The following DLGAP2 variants were observed in gnomAD, a reference collection of about 807,000 sequenced individuals.
DLGAP2 encodes DLG associated protein 2.
Under a neutral mutation model 100.3 loss-of-function variants are expected in DLGAP2, and 26 were observed. That is an observed-to-expected ratio of 0.26 (90% confidence interval 0.19 to 0.36). DLGAP2 has a LOEUF of 0.36. DLGAP2 is among the 10% of genes least tolerant of loss of function. The pLI is 1.00. For synonymous variants in DLGAP2, 886 were observed against 630.1 expected (o/e 1.41, Z -6.08); for missense variants, 1,858 against 1,453.2 (o/e 1.28, Z -4.53).
chr8:1,445,569 T>C (rs1797963438), intron 3 of DLGAP2, among the ~76,000 whole-genome samples: 1 of 152,172 alleles, frequency 6.6e-6, no homozygotes, highest in Non-Finnish European at 1.5e-5. Flanking sequence ...CGTGTCTTTA[T>C]AGCAGCATGA....
At chr8:1,257,585 G>T (rs910258614) in intron 2 of DLGAP2, among the ~76,000 whole-genome samples, 3 of 152,172 alleles carry the variant, frequency 2.0e-5, no homozygotes, top group Admixed American at 6.5e-5. Flanking sequence ...ATGGCATTAC[G>T]TGGCGTCTCC....
chr8:1,376,254 C>G (rs910283103), intron 3 of DLGAP2, among the ~76,000 whole-genome samples: 2 of 152,262 alleles, frequency 1.3e-5, no homozygotes, highest in Non-Finnish European at 2.9e-5. Context: ...CCGGGACGTG[C>G]TGTCTCATAG....
At chr8:1,410,667 G>A (rs1217735760) in intron 3 of DLGAP2, among the ~76,000 whole-genome samples, 1 of 152,196 alleles carries the variant, frequency 6.6e-6, no homozygotes, top group East Asian at 1.9e-4. Flanking sequence ...ACATAAGTGT[G>A]TTTCACGCAC....
intron 3 of DLGAP2, among the ~76,000 whole-genome samples, chr8:1,308,018 G>A (rs1029116755): frequency 4.6e-5 from 7 of 152,104 alleles, no homozygotes; most frequent in African/African-American, 7.2e-5. Context: ...TTTTACCACC[G>A]TTTTTCCAAA....
rs1241660508 is a variant in DLGAP2, at chr8:1,449,888, G to GACTGTA, written c.107-51478_107-51477insACTGTA. Reference sequence around the variant, plus strand: ...CGAGGTGGGCGGCCTCGGTGGCTGAGGCGGAGCTGTGAGGGTGAAGACGAG... The same window carrying GACTGTA: ...CGAGGTGGGCGGCCTCGGTGGCTGAGACTGTAGCGGAGCTGTGAGGGTGAAGACGAG... On this transcript the variant is annotated intron_variant, in intron 3 of 14. Transcript: ENST00000637795. 2.6e-3 allele frequency among the ~76,000 whole-genome samples: 312 copies of GACTGTA among 121,366 alleles called. 7 individuals carry two copies. The highest frequency in any genetic ancestry group is 4.4e-3 in the Non-Finnish European group (235 of 53,118). 79.6% of individuals were successfully genotyped at this position (121,366 alleles called of 152,430 possible).
At chr8:1,391,854 A>G (rs945490616) in intron 3 of DLGAP2, among the ~76,000 whole-genome samples, 2 of 152,262 alleles carry the variant, frequency 1.3e-5, no homozygotes, top group African/African-American at 4.8e-5. Context: ...CATCTCCAAG[A>G]CCCGAGTATG....
intron 1 of DLGAP2, among the ~76,000 whole-genome samples, chr8:843,731 C>T (rs1305742578): frequency 2.6e-5 from 4 of 152,166 alleles, no homozygotes; most frequent in Non-Finnish European, 4.4e-5. Context: ...AAAGCTGTGT[C>T]GCTGCATTCA....
chr8:880,378 G>A (rs1240000751), intron 1 of DLGAP2, among the ~76,000 whole-genome samples: 1 of 152,240 alleles, frequency 6.6e-6, no homozygotes, highest in African/African-American at 2.4e-5. Context: ...CCCCAGGAAA[G>A]TGTCCACACT....
intron 3 of DLGAP2, among the ~76,000 whole-genome samples, chr8:1,309,673 G>T (rs977072086): frequency 6.6e-6 from 1 of 152,172 alleles, no homozygotes; most frequent in African/African-American, 2.4e-5. Flanking sequence ...ATACAGGGAC[G>T]ACCAGGAAAA....
At chr8:849,278 G>A (rs1797135799) in intron 1 of DLGAP2, among the ~76,000 whole-genome samples, 1 of 152,210 alleles carries the variant, frequency 6.6e-6, no homozygotes, top group Non-Finnish European at 1.5e-5. Context: ...ATCACACAGA[G>A]TCTGTTCCAG....
chr8:1,465,865 A>G (rs1449098902), intron 3 of DLGAP2, among the ~76,000 whole-genome samples: 1 of 152,216 alleles, frequency 6.6e-6, no homozygotes, highest in African/African-American at 2.4e-5. Flanking sequence ...TGGGACTCAC[A>G]ATGAGAAAGG....
intron 2 of DLGAP2, among the ~76,000 whole-genome samples, chr8:1,050,840 T>G (rs1483130924): frequency 1.3e-5 from 2 of 152,128 alleles, no homozygotes; most frequent in Non-Finnish European, 2.9e-5. Context: ...ATTTTTTACG[T>G]GCTTCCCCAT....
chr8:995,897 C>T (rs1800770394), intron 2 of DLGAP2, among the ~76,000 whole-genome samples: 1 of 152,122 alleles, frequency 6.6e-6, no homozygotes, highest in African/African-American at 2.4e-5. Flanking sequence ...CTGGGGGAAG[C>T]AGGAGACTAA....
chr8:762,801 C>T (rs147411283), intron 1 of DLGAP2, among the ~76,000 whole-genome samples: 235 of 152,082 alleles, frequency 1.5e-3, no homozygotes, highest in African/African-American at 5.4e-3. Flanking sequence ...CGTCAGCCTC[C>T]GGAGTAACTG....
At chr8:1,359,551 A>G (rs1801932119) in intron 3 of DLGAP2, among the ~76,000 whole-genome samples, 1 of 152,210 alleles carries the variant, frequency 6.6e-6, no homozygotes, top group South Asian at 2.1e-4. Context: ...GCCTGGAGGG[A>G]TTTGGGCTGA....
At chr8:1,510,349 C>G (rs1304122376) in intron 4 of DLGAP2, among the ~76,000 whole-genome samples, 1 of 152,164 alleles carries the variant, frequency 6.6e-6, no homozygotes, top group South Asian at 2.1e-4. Context: ...CCTCGTTGCC[C>G]CAGATGTCAG....
intron 3 of DLGAP2, among the ~76,000 whole-genome samples, chr8:1,309,300 A>G (rs1800560577): frequency 6.6e-6 from 1 of 152,228 alleles, no homozygotes; most frequent in Non-Finnish European, 1.5e-5. Flanking sequence ...TGCAAAAGAC[A>G]TGTTATAATC....
chr8:1,430,218 TC>T (rs1797385747), intron 3 of DLGAP2, among the ~76,000 whole-genome samples: 2 of 151,416 alleles, frequency 1.3e-5, no homozygotes, highest in Admixed American at 6.6e-5. Context: ...TCACCAATGA[TC>T]TGTGATTCCT....
chr8:1,123,069 T>G (rs1796087031), intron 2 of DLGAP2, among the ~76,000 whole-genome samples: 1 of 152,220 alleles, frequency 6.6e-6, no homozygotes, highest in Admixed American at 6.5e-5. Flanking sequence ...TCAAATGTAT[T>G]TGAAAATAAC....
Sources: gnomAD v4.1 joint callset for allele counts (sites outside exome capture counted in the v4.1 genomes callset) on GRCh38, gnomAD v4.1.1 for gene constraint, MANE v1.5 for transcripts, NCBI Gene and HGNC (gene_info 2026-07-23, HGNC 2026-07-21) for gene names.